The following NIF3L1 variants were observed in gnomAD, a reference collection of about 807,000 sequenced individuals.
The protein encoded by NIF3L1 is NGG1 interacting factor 3 like 1.
A neutral mutation model predicts 35.0 loss-of-function variants in NIF3L1; 26 were observed. The ratio of observed to expected loss-of-function variants is 0.74; its 90% CI spans 0.54 to 1.03. The LOEUF (loss-of-function observed/expected upper bound fraction) is 1.03, where lower values mean the gene tolerates loss of function less well. Among genes scored for constraint, NIF3L1 ranks in the 50% least tolerant of loss-of-function variants. The probability of loss-of-function intolerance (pLI) is 0.00; values close to 1 mark genes in which losing one functional copy is unlikely to be tolerated. For synonymous variants in NIF3L1, 157 were observed against 178.9 expected, an observed-to-expected ratio of 0.88 and a Z score of 0.98; for missense variants, 449 against 466.3, an observed-to-expected ratio of 0.96 and a Z score of 0.34.
chr2:200,897,275 A>G, intron 5 of NIF3L1, 61 bp downstream of exon 5: 1 of 1,543,460 alleles, frequency 6.5e-7, no homozygotes, highest in South Asian at 1.2e-5. Context: ...AAAGATCGAA[A>G]CTCTTGGTTG....
chr2:200,890,359 A>G (rs1161486859), intron 1 of NIF3L1, among the ~76,000 whole-genome samples: 2 of 152,066 alleles, frequency 1.3e-5, no homozygotes, highest in African/African-American at 4.8e-5. Context: ...CCCTGTGTCA[A>G]AAAGAAAAAA....
rs2040332240 is a variant in NIF3L1, at chr2:200,897,142, A to G, written c.793A>G (p.Met265Val). 3 of 1,614,058 alleles carry G rather than the reference A, an allele frequency of 1.9e-6. No homozygotes were observed. Among genetic ancestry groups the G allele is most frequent in the African/African-American group, 1.3e-5 (1 of 75,016 alleles). ...TLDESVSLAT[M>V]IDRIKRHLKL... ...GGATGAATCTGTCTCCCTGGCAACCATGATTGATCGAATAAAAAGACACCT... is the reference window on the plus strand; with the variant it reads ...GGATGAATCTGTCTCCCTGGCAACCGTGATTGATCGAATAAAAAGACACCT... The change falls in exon 5 of 7, where the codon ATG becomes GTG. Residue 265 changes from methionine to valine, a missense_variant. Transcript: ENST00000409020.
intron 4 of NIF3L1, among the ~76,000 whole-genome samples, chr2:200,895,978 CTT>C (rs112961248): frequency 1.1e-3 from 159 of 145,926 alleles, no homozygotes; most frequent in African/African-American, 3.9e-3. Flanking sequence ...GCCACCCCCG[CTT>C]TTTTTTTTTT....
chr2:200,899,415 C>G lies in NIF3L1; in HGVS notation c.896C>G (p.Ala299Gly). ...CAAGTCAAAGTCGTGGCCCTGTGTG[C>G]TGGTTCTGGGAGCAGCGTTCTGCAG... ...ESQVKVVALCAGSGSSVLQGV... is the reference protein window; with the variant it reads ...ESQVKVVALCGGSGSSVLQGV... The change falls in exon 6 of 7, where the codon GCT (alanine) becomes GGT (glycine). Residue 299 changes from alanine to glycine, a missense_variant. Ala to Gly is a moderately conservative substitution (Grantham distance 60). Coordinates refer to ENST00000409020, the MANE Select transcript of NIF3L1 (RefSeq NM_001369441.2). The G allele has an allele frequency of 6.2e-7, 1 of 1,614,008 alleles. No individual in the cohort carries two copies. Among genetic ancestry groups the G allele is most frequent in the Non-Finnish European group, 8.5e-7 (1 of 1,179,964 alleles).
chr2:200,895,533 T>A, intron 4 of NIF3L1, 143 bp downstream of exon 4: 6 of 792,984 alleles, frequency 7.6e-6, no homozygotes, highest in Non-Finnish European at 9.9e-6. Flanking sequence ...TGTACATATT[T>A]GATGTGTACA....
rs748361304 is a variant in NIF3L1 at position 200,903,538 on chromosome 2, A to G, written c.994A>G (p.Ile332Val). 2 of 1,614,150 alleles carry G rather than the reference A, an allele frequency of 1.2e-6. No individual in the cohort carries two copies. The highest frequency in any genetic ancestry group is 1.7e-6 in the Non-Finnish European group (2 of 1,180,008). The change falls in exon 7 of 7, where the codon ATA (isoleucine) becomes GTA (valine). Residue 332 changes from isoleucine (I) to valine (V), a missense_variant. Coordinates refer to ENST00000409020, the MANE Select transcript of NIF3L1 (RefSeq NM_001369441.2). ...HDTLDAASQG[I>V]NVILCEHSNT... ...TACTTTGGATGCTGCTTCCCAAGGA[A>G]TAAATGTCATCCTCTGTGAACACAG...
intron 1 of NIF3L1, 87 bp downstream of exon 1, chr2:200,889,739 T>G (rs2040127325): frequency 6.6e-6 from 1 of 152,276 alleles, no homozygotes; most frequent in African/African-American, 2.4e-5. Context: ...AGGACGGGAG[T>G]TGTTTCCAGC....
Position 200,903,542 on chromosome 2 carries a change from A to G in NIF3L1, c.998A>G (p.Asn333Ser). 1 of 1,614,140 alleles carries G rather than the reference A, an allele frequency of 6.2e-7. No homozygotes were observed. Among genetic ancestry groups the G allele is most frequent in the Non-Finnish European group, 8.5e-7 (1 of 1,180,010 alleles). The change falls in exon 7 of 7, where the codon AAT (asparagine) becomes AGT (serine). Residue 333 changes from asparagine to serine, a missense_variant. Physicochemically the swap from Asn to Ser is conservative, Grantham distance 46. Coordinates refer to ENST00000409020, the MANE Select transcript of NIF3L1 (RefSeq NM_001369441.2). ...TTGGATGCTGCTTCCCAAGGAATAA[A>G]TGTCATCCTCTGTGAACACAGCAAC... ...DTLDAASQGI[N>S]VILCEHSNTE...
chr2:200,902,785 C>G (rs1011443955), intron 6 of NIF3L1, among the ~76,000 whole-genome samples: 1 of 152,156 alleles, frequency 6.6e-6, no homozygotes, highest in Non-Finnish European at 1.5e-5. Flanking sequence ...CATAAGTCTG[C>G]TGGGCAGTAT....
rs763947372 is a variant in NIF3L1, at chr2:200,893,330, ACTACAC to A, written c.523_528del (p.Tyr175_Thr176del). 1 of 1,613,256 alleles carries A rather than the reference ACTACAC, an allele frequency of 6.2e-7. No homozygotes were observed. Among genetic ancestry groups the A allele is most frequent in the East Asian group, 2.2e-5 (1 of 44,804 alleles). ...AACCACCGAGTAGAATTCAACGTTA[ACTACAC>A]CCAAGACCTGGACAAAGTCATGTCT... On this transcript the variant is annotated inframe_deletion, in exon 3 of 7. Transcript: ENST00000409020.
intron 6 of NIF3L1, among the ~76,000 whole-genome samples, chr2:200,902,554 C>A (rs1183383088): frequency 1.3e-5 from 2 of 150,376 alleles, no homozygotes; most frequent in African/African-American, 2.5e-5. Flanking sequence ...GGTGACAGAG[C>A]AAAACTCCAT....
chr2:200,893,491 C>A (rs2040242663), intron 3 of NIF3L1, 83 bp downstream of exon 3: 4 of 1,336,924 alleles, frequency 3.0e-6, no homozygotes, highest in African/African-American at 1.5e-5. Context: ...GGTATTTAGG[C>A]TTGAAACAAA....
chr2:200,896,057 C>T (rs2040304920), intron 4 of NIF3L1, among the ~76,000 whole-genome samples: 1 of 151,938 alleles, frequency 6.6e-6, no homozygotes, highest in Non-Finnish European at 1.5e-5. Context: ...TCCTTGACTC[C>T]AGGCCCTGCT....
rs1191221639 is a variant in NIF3L1 at position 200,893,335 on chromosome 2, A to G, written c.526A>G (p.Thr176Ala). The G allele has an allele frequency of 4.3e-6, 7 of 1,612,976 alleles. No individual in the cohort carries two copies. Among genetic ancestry groups the G allele is most frequent in the Non-Finnish European group, 8.5e-7 (1 of 1,179,542 alleles). The change falls in exon 3 of 7, where the codon ACC becomes GCC. Residue 176 changes from threonine to alanine, a missense_variant. By Grantham distance (58) the Thr-to-Ala change is moderately conservative (BLOSUM62 0). Coordinates refer to ENST00000409020, the MANE Select transcript of NIF3L1 (RefSeq NM_001369441.2). ...CCGAGTAGAATTCAACGTTAACTAC[A>G]CCCAAGACCTGGACAAAGTCATGTC... ...NHRVEFNVNY[T>A]QDLDKVMSAV... is the part of the protein sequence containing the mutation.
rs1050527041 is a variant in NIF3L1, at chr2:200,903,043, C to T, written c.950-451C>T. On this transcript the variant is annotated intron_variant, in intron 6 of 6. Coordinates refer to ENST00000409020, the MANE Select transcript of NIF3L1 (RefSeq NM_001369441.2). ...TTTCAAGATAGTCTTACTCTGTCAC[C>T]CAGGCTGAAGTGCAGTGGTGCAGTC... is the stretch of plus-strand genomic sequence containing the variant. Among the ~76,000 whole-genome samples, 7 of 152,268 alleles carry T rather than the reference C, an allele frequency of 4.6e-5. No individual in the cohort carries two copies. In the South Asian group the frequency reaches 1.5e-3, roughly 32 times the overall value.
chr2:200,891,318 AG>A (rs1456433135), intron 1 of NIF3L1, among the ~76,000 whole-genome samples: 1 of 152,200 alleles, frequency 6.6e-6, no homozygotes, highest in Non-Finnish European at 1.5e-5. Flanking sequence ...TGTTGCAATC[AG>A]GGGAGGCGGG....
Position 200,889,462 on chromosome 2 carries a change from G to C in NIF3L1, c.-217G>C, listed in dbSNP as rs573112997. The C allele has an allele frequency of 4.9e-6, 1 of 205,706 alleles. No individual in the cohort carries two copies. The highest frequency in any genetic ancestry group is 1.3e-4 in the East Asian group (1 of 7,818). 12.7% of individuals were successfully genotyped at this position (205,706 alleles called of 1,614,324 possible). ...TCGCGGTAGGTGCCGGTTGGGGCCG[G>C]CTGTGATTGTTATCTTGGTGCTGCA... On this transcript the variant is annotated 5_prime_UTR_variant, in exon 1 of 7. Transcript: ENST00000409020.
chr2:200,895,143 T>G (rs1423898720), intron 3 of NIF3L1, 121 bp from the exon 4 acceptor site: 14 of 926,642 alleles, frequency 1.5e-5, no homozygotes, highest in Non-Finnish European at 2.3e-5. Flanking sequence ...AAATGGGTTC[T>G]GTTGGTTAAA....
Position 200,893,252 on chromosome 2 carries a change from G to A in NIF3L1, c.443G>A (p.Cys148Tyr). The A allele has an allele frequency of 6.7e-7, 1 of 1,485,880 alleles. No homozygotes were observed. Among genetic ancestry groups the A allele is most frequent in the Non-Finnish European group, 9.0e-7 (1 of 1,113,418 alleles). The allele number at this position is 1,485,880 out of a possible 1,614,324, so 92.0% of individuals were successfully genotyped here. A position where few individuals can be genotyped will look rare whatever the true frequency, so the allele number is the denominator to read the frequency against. The change falls in exon 3 of 7, where the codon TGT becomes TAT. Residue 148 changes from cysteine to tyrosine, a missense_variant. Coordinates refer to ENST00000409020, the MANE Select transcript of NIF3L1 (RefSeq NM_001369441.2). The stretch of plus-strand genomic sequence containing the variant: ...CCCACAATATTTTCTCTAGGAGCTT[G>A]TACCTCCAGGCCCATACATCCTTCC... ...NNWLAKGLGACTSRPIHPSKA... is the reference protein window; with the variant it reads ...NNWLAKGLGAYTSRPIHPSKA...
Sources: gnomAD v4.1 joint callset for allele counts (sites outside exome capture counted in the v4.1 genomes callset) on GRCh38, gnomAD v4.1.1 for gene constraint, MANE v1.5 for transcripts, NCBI Gene and HGNC (gene_info 2026-07-23, HGNC 2026-07-21) for gene names.